CYP19A1: variants seen among roughly 807,000 people sequenced by gnomAD.
CYP19A1 encodes the protein aromatase.
In CYP19A1, 32 loss-of-function variants were observed where a neutral mutation model predicts 44.4. The observed-to-expected ratio is 0.72, with a 90% CI of 0.54 to 0.97. The LOEUF (loss-of-function observed/expected upper bound fraction) is 0.97, where lower values mean the gene tolerates loss of function less well. Ranked by LOEUF, CYP19A1 falls within the 50% of genes least tolerant of loss-of-function variation. The pLI is 0.00. For synonymous variants in CYP19A1, 212 were observed against 215.6 expected (o/e 0.98, Z 0.14); for missense variants, 598 against 637.8 (o/e 0.94, Z 0.67).
rs574201730 is a variant in CYP19A1, at chr15:51,209,477, C to T, written c.*1331G>A. The T allele has an allele frequency of 2.6e-5, 4 of 152,282 alleles. No individual in the cohort carries two copies. The highest frequency in any genetic ancestry group is 9.6e-5 in the African/African-American group (4 of 41,538). 9.4% of individuals were successfully genotyped at this position (152,282 alleles called of 1,614,324 possible). On this transcript the variant is annotated 3_prime_UTR_variant, in exon 10 of 10. Transcript: ENST00000396402. ...AATGGATTCAATGACAAATATTTAC[C>T]TATTTGTAAATAAGTTTAATTTTTT...
chr15:51,231,651 G>A (rs2033045141), intron 3 of CYP19A1, among the ~76,000 whole-genome samples: 1 of 151,786 alleles, frequency 6.6e-6, no homozygotes, highest in Non-Finnish European at 1.5e-5. Flanking sequence ...ATGTGTGTAC[G>A]TTAGCGCACA....
rs2034737649 is a variant in CYP19A1 at position 51,261,903 on chromosome 15, CAATT to C, written c.-38-18957_-38-18954del. 2.0e-5 allele frequency among the ~76,000 whole-genome samples: 3 copies of C among 152,292 alleles called. No homozygotes were observed. In the South Asian group the frequency reaches 6.2e-4, roughly 32 times the overall value. ...CACTGCCCACCATCTCTCCCCCAAT[CAATT>C]GTTATTTCATCTCTGAAAGTCCCTC... On this transcript the variant is annotated intron_variant, in intron 1 of 9. Coordinates refer to ENST00000396402, the MANE Select transcript of CYP19A1 (RefSeq NM_000103.4).
intron 5 of CYP19A1, chr15:51,221,232 T>G (rs114675691): frequency 1.9e-4 from 29 of 152,322 alleles, no homozygotes; most frequent in African/African-American, 7.0e-4. Context: ...TGGTAAATAA[T>G]GTTCTAAAAG....
Position 51,291,388 on chromosome 15 carries a change from C to T in CYP19A1, c.-39+47107G>A, listed in dbSNP as rs1322852371. Among the ~76,000 whole-genome samples the T allele has an allele frequency of 6.6e-5, 10 of 152,188 alleles. No homozygotes were observed. In the East Asian group the frequency reaches 1.3e-3, roughly 21 times the overall value. ...ATTACAATGAAAAACTAGATGATTC[C>T]AAGCCCACTAGAGAGGGGAAATGTT... is the stretch of plus-strand genomic sequence containing the variant. On this transcript the variant is annotated intron_variant, in intron 1 of 9. Transcript: ENST00000396402.
chr15:51,223,447 C>CT (rs143728666), intron 4 of CYP19A1, among the ~76,000 whole-genome samples: 3,963 of 152,020 alleles, frequency 0.026, 78 homozygotes, highest in Non-Finnish European at 0.038. Context: ...GGAGTAATCT[C>CT]TTTTTAAGTC....
At chr15:51,297,758 T>C (rs1252672812) in intron 1 of CYP19A1, among the ~76,000 whole-genome samples, 1 of 150,992 alleles carries the variant, frequency 6.6e-6, no homozygotes, top group Non-Finnish European at 1.5e-5. Context: ...ATTCTCATTG[T>C]AGTCTCCTTG....
intron 6 of CYP19A1, among the ~76,000 whole-genome samples, chr15:51,216,346 G>T (rs1193135907): frequency 6.6e-6 from 1 of 152,096 alleles, no homozygotes; most frequent in Non-Finnish European, 1.5e-5. Context: ...CTGCCTCCTG[G>T]GTTCAAGCCA....
chr15:51,295,999 G>A (rs1427476868), intron 1 of CYP19A1, among the ~76,000 whole-genome samples: 1 of 152,162 alleles, frequency 6.6e-6, no homozygotes, highest in Non-Finnish European at 1.5e-5. Flanking sequence ...CAGACTCCTG[G>A]ATTTCCAGAA....
At chr15:51,301,979 T>C (rs1223405042) in intron 1 of CYP19A1, among the ~76,000 whole-genome samples, 1 of 152,188 alleles carries the variant, frequency 6.6e-6, no homozygotes, top group African/African-American at 2.4e-5. Flanking sequence ...AATTCTAAAA[T>C]AGCAACAGTG....
intron 1 of CYP19A1, among the ~76,000 whole-genome samples, chr15:51,292,471 C>G (rs182573857): frequency 2.0e-5 from 3 of 152,310 alleles, no homozygotes. Flanking sequence ...CTTGTGGATC[C>G]CAAATTTATG....
chr15:51,231,964 C>G (rs1203809027), intron 3 of CYP19A1, among the ~76,000 whole-genome samples: 1 of 151,064 alleles, frequency 6.6e-6, no homozygotes, highest in Non-Finnish European at 1.5e-5. Context: ...CCAGGGACCT[C>G]TTCACATCTC....
intron 1 of CYP19A1, among the ~76,000 whole-genome samples, chr15:51,245,023 T>A (rs2033986626): frequency 6.6e-6 from 1 of 152,180 alleles, no homozygotes; most frequent in Admixed American, 6.5e-5. Flanking sequence ...TATTTTACTA[T>A]TTTTGTTTGT....
At chr15:51,318,165 C>T (rs181771074) in intron 1 of CYP19A1, among the ~76,000 whole-genome samples, 16 of 152,202 alleles carry the variant, frequency 1.1e-4, no homozygotes, top group African/African-American at 3.9e-4. Flanking sequence ...TAGCACAGTG[C>T]TCGGTGCTTT....
At chr15:51,329,591 A>G (rs1347182106) in intron 1 of CYP19A1, among the ~76,000 whole-genome samples, 1 of 152,230 alleles carries the variant, frequency 6.6e-6, no homozygotes, top group Non-Finnish European at 1.5e-5. Context: ...CCGGGGATGA[A>G]GAAAGTTTCC....
chr15:51,331,698 C>G (rs898372247), intron 1 of CYP19A1, among the ~76,000 whole-genome samples: 3 of 152,136 alleles, frequency 2.0e-5, no homozygotes, highest in African/African-American at 4.8e-5. Flanking sequence ...CTATTTTTCA[C>G]ATTTGATTTT....
chr15:51,215,056 T>G lies in CYP19A1; in HGVS notation c.1021+14A>C. ...TTGTTTTTAAGATGTATTATTTATTTGATAAATTCTTACCAATAACAGTCT... is the reference window on the plus strand; with the variant it reads ...TTGTTTTTAAGATGTATTATTTATTGGATAAATTCTTACCAATAACAGTCT... On this transcript the variant is annotated intron_variant, in intron 8 of 9. Coordinates refer to ENST00000396402, the MANE Select transcript of CYP19A1 (RefSeq NM_000103.4). The G allele has an allele frequency of 6.2e-7, 1 of 1,608,814 alleles. No individual in the cohort carries two copies. The highest frequency in any genetic ancestry group is 8.5e-7 in the Non-Finnish European group (1 of 1,176,946).
At chr15:51,241,176 G>A (rs1279167002) in intron 2 of CYP19A1, among the ~76,000 whole-genome samples, 4 of 152,344 alleles carry the variant, frequency 2.6e-5, no homozygotes, top group African/African-American at 7.2e-5. Context: ...CTGATCCAGA[G>A]CTTCAGGGCT....
intron 1 of CYP19A1, among the ~76,000 whole-genome samples, chr15:51,311,678 C>T (rs1021219576): frequency 7.2e-5 from 11 of 152,204 alleles, no homozygotes; most frequent in East Asian, 3.8e-4. Flanking sequence ...CCACAACTCC[C>T]TACCTTCCTA....
chr15:51,214,914 T>C, intron 8 of CYP19A1, 156 bp downstream of exon 8: 3 of 1,174,484 alleles, frequency 2.6e-6, no homozygotes, highest in Non-Finnish European at 3.5e-6. Context: ...CTTTTCCGTC[T>C]ATCTGGTGTA....
Sources: gnomAD v4.1 joint callset for allele counts (sites outside exome capture counted in the v4.1 genomes callset) on GRCh38, gnomAD v4.1.1 for gene constraint, MANE v1.5 for transcripts, NCBI Gene and HGNC (gene_info 2026-07-23, HGNC 2026-07-21) for gene names.